UBXN2A: variants seen among roughly 807,000 people sequenced by gnomAD.
UBXN2A encodes UBX domain protein 2A.
In UBXN2A, 28 loss-of-function variants were observed where a neutral mutation model predicts 28.4. That is an observed-to-expected ratio of 0.99 (90% CI 0.73 to 1.35). UBXN2A has a LOEUF of 1.35. Among genes scored for constraint, UBXN2A ranks in the 40% most tolerant of loss-of-function variants. The pLI is 0.00. For missense variants in UBXN2A, 253 were observed against 297.9 expected (o/e 0.85, Z 1.11); for synonymous variants, 97 against 103.6 (o/e 0.94, Z 0.39).
chr2:23,931,337 T>C (rs1319850949), intron 1 of UBXN2A, among the ~76,000 whole-genome samples: 1 of 151,832 alleles, frequency 6.6e-6, no homozygotes, highest in Admixed American at 6.6e-5. Flanking sequence ...ATCGCAGATA[T>C]TCGGAGGCTA....
chr2:23,950,881 G>T (rs1440832541), intron 1 of UBXN2A, among the ~76,000 whole-genome samples: 2 of 151,582 alleles, frequency 1.3e-5, no homozygotes, highest in African/African-American at 2.4e-5. Context: ...GGTTCGCCGT[G>T]TTGGCCAGGC....
intron 1 of UBXN2A, chr2:23,927,685 C>T (rs1705117963): frequency 6.6e-6 from 1 of 151,470 alleles, no homozygotes; most frequent in South Asian, 2.1e-4. Flanking sequence ...CAAAGCGAGG[C>T]AGGGTCGTTT....
intron 1 of UBXN2A, among the ~76,000 whole-genome samples, chr2:23,940,922 C>A (rs1008251209): frequency 2.0e-5 from 3 of 152,180 alleles, no homozygotes; most frequent in Admixed American, 2.0e-4. Context: ...GAAGGCACAG[C>A]TCCTGGTTCT....
chr2:23,933,149 A>G (rs534482329), intron 1 of UBXN2A, among the ~76,000 whole-genome samples: 1 of 152,194 alleles, frequency 6.6e-6, no homozygotes, highest in East Asian at 1.9e-4. Flanking sequence ...GGAGAGATTA[A>G]AAAGAACTAA....
In UBXN2A at chr2:23,958,323, C is replaced by T. The variant is rs200322972; in HGVS notation, c.9C>T (p.Asp3=). 3.9e-5 allele frequency: 63 copies of T among 1,602,040 alleles called. No homozygotes were observed. The Middle Eastern group carries it at 5.0e-4, about 13-fold the overall frequency. Residue 3 remains aspartate (D), a synonymous_variant, in exon 2 of 7, where the codon GAC becomes GAT. Transcript: ENST00000309033. MK[D]VDNLKSIKEE... is the part of the protein sequence containing the mutation. ...CAGTAAGGCGAAAGAGAATGAAAGACGTAGATAACCTCAAAAGTATAAAAG... is the reference window on the plus strand; with the variant it reads ...CAGTAAGGCGAAAGAGAATGAAAGATGTAGATAACCTCAAAAGTATAAAAG...
In UBXN2A at chr2:23,984,827, C is replaced by G; in HGVS notation, c.580C>G (p.His194Asp). ...GATTGTCCAGAAATTTAACATTACT[C>G]ATAGGTGAGTCTTCAATTTCAGTAT... is the stretch of plus-strand genomic sequence containing the variant. ...KRIVQKFNIT[H>D]RVSHIKDFIE... The change falls in exon 6 of 7, where the codon CAT (histidine) becomes GAT (aspartate). Residue 194 changes from histidine (H) to aspartate (D), a missense_variant. Coordinates refer to ENST00000309033, the MANE Select transcript of UBXN2A (RefSeq NM_181713.4). 1 of 1,545,272 alleles carries G rather than the reference C, an allele frequency of 6.5e-7. No homozygotes were observed.
chr2:23,983,087 G>T, intron 5 of UBXN2A, 54 bp downstream of exon 5: 4 of 1,461,424 alleles, frequency 2.7e-6, no homozygotes, highest in Non-Finnish European at 3.6e-6. Flanking sequence ...CTAATATTCT[G>T]TCTATCAGTA....
chr2:23,995,215 CTTTT>C (rs894941593), intron 6 of UBXN2A, among the ~76,000 whole-genome samples: 1 of 148,804 alleles, frequency 6.7e-6, no homozygotes, highest in African/African-American at 2.5e-5. Context: ...AGTGAAATGG[CTTTT>C]TTTTTTCCCT....
At chr2:23,935,289 T>G (rs1352250427) in intron 1 of UBXN2A, among the ~76,000 whole-genome samples, 1 of 152,032 alleles carries the variant, frequency 6.6e-6, no homozygotes, top group African/African-American at 2.4e-5. Flanking sequence ...GAAAAGACAA[T>G]TCACAGAATC....
chr2:23,965,155 A>G (rs1383307063), intron 2 of UBXN2A, among the ~76,000 whole-genome samples: 1 of 152,158 alleles, frequency 6.6e-6, no homozygotes, highest in Non-Finnish European at 1.5e-5. Context: ...TGCTGGGATA[A>G]TAGGCATGAG....
chr2:23,946,779 T>G (rs1706104087), intron 1 of UBXN2A, among the ~76,000 whole-genome samples: 1 of 152,160 alleles, frequency 6.6e-6, no homozygotes, highest in African/African-American at 2.4e-5. Context: ...AGATGTAGTT[T>G]TTATATTCAG....
In UBXN2A at chr2:23,928,125, G is replaced by A. The variant is rs1167663947; in HGVS notation, c.-138+510G>A. Among the ~76,000 whole-genome samples, 4 of 149,050 alleles carry A rather than the reference G, an allele frequency of 2.7e-5. No homozygotes were observed. In the South Asian group the frequency reaches 6.3e-4, roughly 23 times the overall value. On this transcript the variant is annotated intron_variant, in intron 1 of 7. Transcript: ENST00000404924. The stretch of plus-strand genomic sequence containing the variant: ...CAGAAGATGGAGGTTGCAGTGAGCC[G>A]AAATCACGCCACTGCACTCCAGCCT...
chr2:23,946,757 A>G (rs1238763874), intron 1 of UBXN2A, among the ~76,000 whole-genome samples: 1 of 152,066 alleles, frequency 6.6e-6, no homozygotes, highest in Non-Finnish European at 1.5e-5. Flanking sequence ...ACCCAGCCCT[A>G]TTTAATTCTT....
intron 1 of UBXN2A, among the ~76,000 whole-genome samples, chr2:23,948,624 G>C (rs1009328315): frequency 2.6e-5 from 4 of 152,130 alleles, no homozygotes; most frequent in African/African-American, 4.8e-5. Context: ...TGTATTCTTA[G>C]TATCTTCAGT....
At chr2:23,947,846 A>T (rs1706163674) in intron 1 of UBXN2A, among the ~76,000 whole-genome samples, 2 of 151,436 alleles carry the variant, frequency 1.3e-5, no homozygotes, top group African/African-American at 4.9e-5. Context: ...TATATAAAAC[A>T]TTTTTTTTTA....
intron 6 of UBXN2A, among the ~76,000 whole-genome samples, chr2:23,999,277 ATAAT>A (rs1708655199): frequency 6.6e-6 from 1 of 152,242 alleles, no homozygotes; most frequent in Non-Finnish European, 1.5e-5. Context: ...CTTACCTAAG[ATAAT>A]TAACAGTAGT....
At chr2:23,935,462 C>T (rs976465067) in intron 1 of UBXN2A, among the ~76,000 whole-genome samples, 3 of 151,904 alleles carry the variant, frequency 2.0e-5, no homozygotes, top group Non-Finnish European at 1.5e-5. Flanking sequence ...AAAAAATATA[C>T]GAATAGCCAA....
chr2:23,987,319 A>G (rs1368545890), intron 6 of UBXN2A, among the ~76,000 whole-genome samples: 1 of 152,172 alleles, frequency 6.6e-6, no homozygotes, highest in East Asian at 1.9e-4. Flanking sequence ...TTCTGTGATC[A>G]TGTCTCTTCT....
At chr2:23,943,695 C>T (rs577880144) in intron 1 of UBXN2A, among the ~76,000 whole-genome samples, 62 of 151,942 alleles carry the variant, frequency 4.1e-4, no homozygotes, top group Admixed American at 1.7e-3. Context: ...TTCACCATGT[C>T]GGTCAGGCTG....
Sources: allele counts gnomAD v4.1 joint callset (sites outside exome capture counted in the v4.1 genomes callset), GRCh38; gene constraint gnomAD v4.1.1; transcripts MANE v1.5; gene names NCBI Gene and HGNC (gene_info 2026-07-23, HGNC 2026-07-21).